Variants in RBFOX1 observed in about 807,000 individuals in gnomAD.
RBFOX1 encodes RNA binding fox-1 homolog 1, also known as RNA binding protein fox-1 homolog 1.
In RBFOX1, 8 loss-of-function variants were observed where a neutral mutation model predicts 57.7. The ratio of observed to expected loss-of-function variants is 0.14; its 90% CI spans 0.08 to 0.25. RBFOX1 has a LOEUF of 0.25. Ranked by LOEUF, RBFOX1 falls within the 10% of genes least tolerant of loss-of-function variation. The pLI, the probability that RBFOX1 is intolerant of heterozygous loss-of-function variation, is 1.00. For missense variants in RBFOX1, 611 were observed against 548.5 expected, an observed-to-expected ratio of 1.11 and a Z score of -1.14; for synonymous variants, 326 against 222.4, an observed-to-expected ratio of 1.47 and a Z score of -4.15.
At chr16:5,285,730 A>AT (rs1270288384) in intron 1 of RBFOX1, among the ~76,000 whole-genome samples, 3 of 152,136 alleles carry the variant, frequency 2.0e-5, no homozygotes, top group Non-Finnish European at 4.4e-5. Context: ...ATTGGCATGA[A>AT]TGGTGTCTGT....
intron 3 of RBFOX1, among the ~76,000 whole-genome samples, chr16:5,820,054 A>T (rs1212619834): frequency 6.6e-6 from 1 of 152,140 alleles, no homozygotes. Flanking sequence ...TTTACTGCAC[A>T]CTCACTGTGT....
intron 1 of RBFOX1, among the ~76,000 whole-genome samples, chr16:6,262,723 G>A (rs2152640335): frequency 6.6e-6 from 1 of 152,300 alleles, no homozygotes; most frequent in South Asian, 2.1e-4. Flanking sequence ...AATAGGAACA[G>A]AGAAAGATGT....
At chr16:7,589,494 C>A (rs1364198411) in intron 7 of RBFOX1, among the ~76,000 whole-genome samples, 2 of 151,518 alleles carry the variant, frequency 1.3e-5, no homozygotes, top group African/African-American at 4.9e-5. Context: ...TGTGAAGCTG[C>A]CTTTTTTTGG....
intron 4 of RBFOX1, among the ~76,000 whole-genome samples, chr16:5,904,673 C>T (rs919397515): frequency 3.0e-4 from 45 of 152,066 alleles, no homozygotes; most frequent in Non-Finnish European, 4.6e-4. Context: ...TTGAAGACAG[C>T]ATCTTGAAGA....
At chr16:5,459,741 G>A (rs142033964) in intron 1 of RBFOX1, among the ~76,000 whole-genome samples, 3 of 151,790 alleles carry the variant, frequency 2.0e-5, no homozygotes, top group Non-Finnish European at 1.5e-5. Flanking sequence ...GCACACACAC[G>A]CTCACACACG....
At chr16:5,787,724 A>G (rs2054552694) in intron 3 of RBFOX1, among the ~76,000 whole-genome samples, 1 of 152,224 alleles carries the variant, frequency 6.6e-6, no homozygotes, top group Non-Finnish European at 1.5e-5. Context: ...GGGTGACACC[A>G]CCAGCCAAGG....
At chr16:7,704,921 C>A (rs961709132) in intron 14 of RBFOX1, among the ~76,000 whole-genome samples, 6 of 151,962 alleles carry the variant, frequency 3.9e-5, no homozygotes, top group African/African-American at 1.5e-4. Flanking sequence ...GTGATGGGCG[C>A]CTGTAATCCC....
In RBFOX1 at chr16:6,885,274, G is replaced by C. The variant is rs529469758; in HGVS notation, c.-15-166783G>C. ...CAGCGTCAGCATCACCTGGAAACTT[G>C]CTACAGACGCGTGTTCTCTATCCTC... is the stretch of plus-strand genomic sequence containing the variant. On this transcript the variant is annotated intron_variant, in intron 3 of 15. Transcript: ENST00000550418. Among the ~76,000 whole-genome samples the C allele has an allele frequency of 3.3e-5, 5 of 152,306 alleles. 1 individual carries two copies. The highest frequency in any genetic ancestry group is 1.2e-4 in the African/African-American group (5 of 41,576).
At chr16:5,281,913 A>G (rs1279010918) in intron 1 of RBFOX1, among the ~76,000 whole-genome samples, 3 of 152,142 alleles carry the variant, frequency 2.0e-5, no homozygotes, top group African/African-American at 7.2e-5. Flanking sequence ...CCCATATTCG[A>G]AGTTATTATT....
At chr16:6,830,909 A>G (rs1301136815) in intron 3 of RBFOX1, among the ~76,000 whole-genome samples, 2 of 152,206 alleles carry the variant, frequency 1.3e-5, no homozygotes, top group East Asian at 1.9e-4. Context: ...TTCAGCAACC[A>G]GGTAGAATTG....
intron 1 of RBFOX1, among the ~76,000 whole-genome samples, chr16:5,315,226 A>G (rs1008725445): frequency 1.3e-5 from 2 of 152,182 alleles, no homozygotes; most frequent in African/African-American, 4.8e-5. Context: ...GGAAGGTTCG[A>G]TGAGGCCCAT....
chr16:5,639,144 A>C (rs2048778834), intron 3 of RBFOX1, among the ~76,000 whole-genome samples: 1 of 152,186 alleles, frequency 6.6e-6, no homozygotes, highest in African/African-American at 2.4e-5. Context: ...CCTGCGGTAC[A>C]ATACAGTTTT....
At chr16:6,804,188 T>G (rs1282614048) in intron 3 of RBFOX1, among the ~76,000 whole-genome samples, 1 of 151,932 alleles carries the variant, frequency 6.6e-6, no homozygotes, top group African/African-American at 2.4e-5. Flanking sequence ...GTTTGTATTT[T>G]TAGTAGAGAT....
At chr16:6,211,268 G>T (rs575082472) in intron 1 of RBFOX1, among the ~76,000 whole-genome samples, 2 of 118,110 alleles carry the variant, frequency 1.7e-5, no homozygotes, top group Non-Finnish European at 3.4e-5. Context: ...TCGCTTTGTC[G>T]CCCAGGCTGG....
chr16:7,646,734 C>G (rs1351020881), intron 11 of RBFOX1, among the ~76,000 whole-genome samples: 1 of 152,240 alleles, frequency 6.6e-6, no homozygotes, highest in Non-Finnish European at 1.5e-5. Flanking sequence ...TTCCATCTCC[C>G]CCAGAGCTCT....
At chr16:6,926,530 G>A (rs1021836315) in intron 3 of RBFOX1, among the ~76,000 whole-genome samples, 1 of 152,200 alleles carries the variant, frequency 6.6e-6, no homozygotes, top group African/African-American at 2.4e-5. Flanking sequence ...AGGCCAGGGA[G>A]AGGCTTTCTG....
At chr16:7,299,852 A>T (rs895699045) in intron 4 of RBFOX1, among the ~76,000 whole-genome samples, 1 of 152,208 alleles carries the variant, frequency 6.6e-6, no homozygotes, top group Non-Finnish European at 1.5e-5. Context: ...GTTATGTCCT[A>T]ATAAACCCAT....
chr16:5,549,253 C>T (rs1231624191), intron 2 of RBFOX1, among the ~76,000 whole-genome samples: 1 of 152,144 alleles, frequency 6.6e-6, no homozygotes, highest in Non-Finnish European at 1.5e-5. Context: ...GGGAGCCTTC[C>T]TTCTGGTCTG....
intron 4 of RBFOX1, among the ~76,000 whole-genome samples, chr16:7,263,688 GA>G (rs2095015919): frequency 1.3e-5 from 2 of 152,016 alleles, no homozygotes; most frequent in South Asian, 4.2e-4. Context: ...ATGAGGTCAG[GA>G]GTTCGAGACC....
Sources: allele counts gnomAD v4.1 joint callset (sites outside exome capture counted in the v4.1 genomes callset), GRCh38; gene constraint gnomAD v4.1.1; transcripts MANE v1.5; gene names NCBI Gene and HGNC (gene_info 2026-07-23, HGNC 2026-07-21).